The following BST1 variants were observed in gnomAD, a reference collection of about 807,000 sequenced individuals.
BST1 encodes the protein ADP-ribosyl cyclase/cyclic ADP-ribose hydrolase 2.
A neutral mutation model predicts 40.6 loss-of-function variants in BST1; 49 were observed. That is an observed-to-expected ratio of 1.21 (90% confidence interval 0.96 to 1.53). BST1 has a LOEUF of 1.53. Ranked by LOEUF, BST1 falls within the 40% of genes most tolerant of loss-of-function variation. BST1 has a pLI of 0.00. For synonymous variants in BST1, 157 were observed against 159.3 expected (o/e 0.99, Z 0.11); for missense variants, 423 against 395.9 (o/e 1.07, Z -0.58).
the BST1 span, among the ~76,000 whole-genome samples, chr4:15,759,406 A>C: frequency 4.3e-4 from 65 of 152,064 alleles, 1 homozygote; most frequent in African/African-American, 1.5e-3. Flanking sequence ...TATTATGCAG[A>C]TTTGATAACA....
chr4:15,719,700 G>C (rs76660920), intron 7 of BST1, among the ~76,000 whole-genome samples: 9 of 152,096 alleles, frequency 5.9e-5, no homozygotes, highest in African/African-American at 2.2e-4. Flanking sequence ...GGGTGGAAAT[G>C]ACGTCAGTGG....
chr4:15,728,673 T>C (rs112043166), intron 8 of BST1, among the ~76,000 whole-genome samples: 12,213 of 147,394 alleles, frequency 0.083, 1,138 homozygotes, highest in East Asian at 0.52. Context: ...GATGGAGTCT[T>C]GCTCTGTCAC....
At chr4:15,764,396 C>T in the BST1 span, among the ~76,000 whole-genome samples, 1 of 151,900 alleles carries the variant, frequency 6.6e-6, no homozygotes, top group South Asian at 2.1e-4. Context: ...AGAATGTATT[C>T]CTCCCCTCAG....
chr4:15,774,067 G>A, the BST1 span, among the ~76,000 whole-genome samples: 1 of 152,132 alleles, frequency 6.6e-6, no homozygotes. Context: ...TAATTAAAGT[G>A]AGCTCAAATT....
At chr4:15,717,514 A>G (rs1236176165) in intron 6 of BST1, among the ~76,000 whole-genome samples, 3 of 152,242 alleles carry the variant, frequency 2.0e-5, no homozygotes, top group South Asian at 2.1e-4. Context: ...CACTGTTGGT[A>G]CGAGTGTGGG....
chr4:15,742,930 T>G (rs942342515), downstream of BST1, among the ~76,000 whole-genome samples: 2 of 152,232 alleles, frequency 1.3e-5, no homozygotes, highest in Non-Finnish European at 1.5e-5. Flanking sequence ...TGCCCTGAGA[T>G]GGCAACTGGC....
chr4:15,711,901 A>T lies in BST1; in HGVS notation c.534+12A>T, dbSNP rs1720234619. The T allele has an allele frequency of 6.2e-7, 1 of 1,608,204 alleles. No individual in the cohort carries two copies. The highest frequency in any genetic ancestry group is 1.3e-5 in the African/African-American group (1 of 74,788). ...GGGCATCCATCCAGGTAATGCTGGGATGATATCTGAGTGGTTGAGCATGTG... is the reference window on the plus strand; with the variant it reads ...GGGCATCCATCCAGGTAATGCTGGGTTGATATCTGAGTGGTTGAGCATGTG... On this transcript the variant is annotated intron_variant, in intron 4 of 8. Coordinates refer to ENST00000265016, the MANE Select transcript of BST1 (RefSeq NM_004334.3).
the BST1 span, among the ~76,000 whole-genome samples, chr4:15,768,192 G>A: frequency 6.6e-6 from 1 of 152,190 alleles, no homozygotes; most frequent in Non-Finnish European, 1.5e-5. Flanking sequence ...CCTCCAAAGA[G>A]CAGCGGTTCC....
At chr4:15,754,921 C>G in the BST1 span, among the ~76,000 whole-genome samples, 21 of 152,268 alleles carry the variant, frequency 1.4e-4, no homozygotes, top group African/African-American at 4.3e-4. Flanking sequence ...TGTTATTACT[C>G]CCTACCTTTT....
chr4:15,756,632 T>C, the BST1 span, among the ~76,000 whole-genome samples: 2 of 152,244 alleles, frequency 1.3e-5, no homozygotes, highest in Admixed American at 1.3e-4. Flanking sequence ...GTATATCTTC[T>C]ATGAATGACT....
At chr4:15,718,764 T>C in intron 6 of BST1, 143 bp from the exon 7 acceptor site, 2 of 667,624 alleles carry the variant, frequency 3.0e-6, no homozygotes, top group Non-Finnish European at 4.8e-6. Flanking sequence ...CAGCCCTTTT[T>C]AAACCAGAGA....
chr4:15,703,376 C>T, intron 1 of BST1, 44 bp downstream of exon 1: 3 of 1,190,438 alleles, frequency 2.5e-6, no homozygotes, highest in African/African-American at 1.8e-5. Context: ...AAAGAGGCAA[C>T]GGTGGGGAGG....
Position 15,719,000 on chromosome 4 carries a change from G to A in BST1, c.791+7G>A, listed in dbSNP as rs1560282930. 1 of 1,611,778 alleles carries A rather than the reference G, an allele frequency of 6.2e-7. No individual in the cohort carries two copies. Among genetic ancestry groups the A allele is most frequent in the South Asian group, 1.1e-5 (1 of 90,814 alleles). On this transcript the variant is annotated splice_region_variant and intron_variant, in intron 7 of 8. Coordinates refer to ENST00000265016, the MANE Select transcript of BST1 (RefSeq NM_004334.3). ...GCTGTATTAATGATTACCGGTAGGTGGCCTATATATCAATGTGCTCTTGTA... is the reference window on the plus strand; with the variant it reads ...GCTGTATTAATGATTACCGGTAGGTAGCCTATATATCAATGTGCTCTTGTA...
At chr4:15,766,085 C>T in the BST1 span, among the ~76,000 whole-genome samples, 1 of 151,940 alleles carries the variant, frequency 6.6e-6, no homozygotes, top group Non-Finnish European at 1.5e-5. Context: ...GCCCTCTAAG[C>T]ACCAGGGACT....
chr4:15,722,766 A>G (rs777832253), intron 7 of BST1, 109 bp from the exon 8 acceptor site: 61 of 865,386 alleles, frequency 7.0e-5, no homozygotes, highest in Non-Finnish European at 1.1e-4. Flanking sequence ...TTTGTGTATT[A>G]TTTGAGGTCA....
chr4:15,707,578 C>T lies in BST1; in HGVS notation c.383C>T (p.Pro128Leu). 6.2e-7 allele frequency: 1 copy of T among 1,613,972 alleles called. No homozygotes were observed. The highest frequency in any genetic ancestry group is 8.5e-7 in the Non-Finnish European group (1 of 1,179,998). The change falls in exon 3 of 9, where the codon CCC (proline) becomes CTC (leucine). Residue 128 changes from proline (P) to leucine (L), a missense_variant. By Grantham distance (98) the Pro-to-Leu change is moderately conservative. Coordinates refer to ENST00000265016, the MANE Select transcript of BST1 (RefSeq NM_004334.3). ...SFADNTRRFM[P>L]LSDVLYGRVA... ...GCAGACAACACCCGTCGTTTTATGC[C>T]CCTGAGCGATGTTCTGTATGGCAGG...
intron 8 of BST1, 67 bp downstream of exon 8, chr4:15,723,001 T>G (rs1720899711): frequency 7.0e-7 from 1 of 1,429,272 alleles, no homozygotes; most frequent in African/African-American, 1.4e-5. Context: ...AAGTTTTCAG[T>G]TCACAAACAT....
intron 8 of BST1, chr4:15,723,430 T>A (rs1720930159): frequency 2.5e-6 from 1 of 397,604 alleles, no homozygotes; most frequent in Non-Finnish European, 3.4e-6. Flanking sequence ...TGTATTTTTT[T>A]GTAGAGACGG....
At chr4:15,703,576 G>A (rs1382678566) in intron 1 of BST1, among the ~76,000 whole-genome samples, 25 of 145,250 alleles carry the variant, frequency 1.7e-4, no homozygotes, top group African/African-American at 6.4e-4. Context: ...GTGTGTGTGC[G>A]CGCACACACA....
Sources: gnomAD v4.1 joint callset for allele counts (sites outside exome capture counted in the v4.1 genomes callset) on GRCh38, gnomAD v4.1.1 for gene constraint, MANE v1.5 for transcripts, NCBI Gene and HGNC (gene_info 2026-07-23, HGNC 2026-07-21) for gene names.